PVT1: variants seen among roughly 807,000 people sequenced by gnomAD.
PVT1 encodes the protein Pvt1 oncogene.
chr8:127,999,125 A>G (rs1469107453), intron 4 of PVT1: 2 of 152,098 alleles, frequency 1.3e-5, no homozygotes, highest in African/African-American at 4.8e-5. Flanking sequence ...TTTTTAACAC[A>G]TATGAATACT....
At chr8:128,041,610 G>GGTGTGT (rs58542209) in intron 4 of PVT1, among the ~76,000 whole-genome samples, 1,100 of 88,900 alleles carry the variant, frequency 0.012, 10 homozygotes, top group African/African-American at 0.034. Flanking sequence ...ACATGTGTTT[G>GGTGTGT]GTGTGTGTGT....
chr8:127,903,764 A>G (rs554736602), intron 3 of PVT1, among the ~76,000 whole-genome samples: 1 of 152,260 alleles, frequency 6.6e-6, no homozygotes, highest in South Asian at 2.1e-4. Flanking sequence ...TGGATTCTCT[A>G]TTCTGTTCCG....
In PVT1 at chr8:128,044,775, A is replaced by G. The variant is rs919442235; in HGVS notation, n.913-25385A>G. 3.9e-5 allele frequency among the ~76,000 whole-genome samples: 6 copies of G among 152,276 alleles called. No homozygotes were observed. In the East Asian group the frequency reaches 1.2e-3, roughly 29 times the overall value. ...CATCAATGAGTGGTGGCTATTTACT[A>G]TTATACTTGTTATTTTATTATACTT... On this transcript the variant is annotated intron_variant and non_coding_transcript_variant, in intron 4 of 10. Coordinates refer to ENST00000651587, the Ensembl canonical transcript of PVT1.
chr8:127,936,112 C>T (rs1211257673), intron 3 of PVT1, among the ~76,000 whole-genome samples: 5 of 144,460 alleles, frequency 3.5e-5, no homozygotes, highest in Admixed American at 7.3e-5. Context: ...AGTGCAATGG[C>T]GCGATCTTGG....
intron 2 of PVT1, chr8:127,803,373 C>T (rs1245085746): frequency 6.6e-6 from 1 of 152,212 alleles, no homozygotes; most frequent in Non-Finnish European, 1.5e-5. Flanking sequence ...TCGTGATCCG[C>T]CCGCCTTGGC....
At chr8:128,046,334 C>T (rs930526358) in intron 4 of PVT1, among the ~76,000 whole-genome samples, 5 of 152,232 alleles carry the variant, frequency 3.3e-5, no homozygotes, top group South Asian at 2.1e-4. Context: ...CTGATATCCC[C>T]GTTTTCCAAA....
At chr8:127,841,540 C>T (rs1041085155) in intron 2 of PVT1, among the ~76,000 whole-genome samples, 2 of 152,020 alleles carry the variant, frequency 1.3e-5, no homozygotes, top group African/African-American at 2.4e-5. Flanking sequence ...AGATTATAGG[C>T]GTGAGCCACC....
rs577302517 is a variant in PVT1 at position 127,922,143 on chromosome 8, G to A, written n.782+31145G>A. 6.2e-4 allele frequency among the ~76,000 whole-genome samples: 95 copies of A among 152,102 alleles called. 1 individual carries two copies. The highest frequency in any genetic ancestry group is 2.2e-3 in the African/African-American group (90 of 41,488). ...CAAAATGCAGGGATTACAGGTGTGAGCCACTGCACCTGGCCAGTTCAGGTT... is the reference window on the plus strand; with the variant it reads ...CAAAATGCAGGGATTACAGGTGTGAACCACTGCACCTGGCCAGTTCAGGTT... On this transcript the variant is annotated intron_variant and non_coding_transcript_variant, in intron 3 of 10. Transcript: ENST00000651587.
intron 3 of PVT1, among the ~76,000 whole-genome samples, chr8:127,980,595 A>T (rs561242018): frequency 1.3e-5 from 2 of 152,234 alleles, no homozygotes; most frequent in Non-Finnish European, 2.9e-5. Flanking sequence ...CCTGTCCACC[A>T]TAGGAAATTC....
At chr8:128,099,926 A>T (rs1025063928) in intron 6 of PVT1, 5 of 151,960 alleles carry the variant, frequency 3.3e-5, no homozygotes, top group African/African-American at 1.2e-4. Flanking sequence ...TAGCATCTTC[A>T]GTTACGTTAT....
At chr8:127,897,533 AGAAAGAAAGAG>A (rs1377674165) in intron 3 of PVT1, among the ~76,000 whole-genome samples, 3 of 149,492 alleles carry the variant, frequency 2.0e-5, no homozygotes, top group Non-Finnish European at 4.4e-5. Flanking sequence ...GAAAGAGGAA[AGAAAGAAAGAG>A]GAAAGAAAGA....
At chr8:128,064,082 C>T (rs1166504581) in intron 4 of PVT1, among the ~76,000 whole-genome samples, 3 of 152,216 alleles carry the variant, frequency 2.0e-5, no homozygotes, top group African/African-American at 4.8e-5. Flanking sequence ...AGCTAGAACT[C>T]ATTGCCGCAA....
intron 2 of PVT1, among the ~76,000 whole-genome samples, chr8:127,815,468 A>G (rs887379466): frequency 2.0e-5 from 3 of 152,210 alleles, no homozygotes; most frequent in African/African-American, 7.2e-5. Flanking sequence ...TCTTGACCAC[A>G]TGGCTTTGCT....
intron 6 of PVT1, among the ~76,000 whole-genome samples, chr8:128,098,649 T>C (rs1376420231): frequency 6.6e-6 from 1 of 152,232 alleles, no homozygotes; most frequent in Non-Finnish European, 1.5e-5. Flanking sequence ...GCAGCGTGTC[T>C]TATATTAGAG....
intron 3 of PVT1, among the ~76,000 whole-genome samples, chr8:127,975,909 C>A (rs1816818273): frequency 6.6e-6 from 1 of 152,166 alleles, no homozygotes; most frequent in Non-Finnish European, 1.5e-5. Context: ...CTCACCACAT[C>A]CTGTGGAGCT....
At chr8:128,025,322 T>C (rs903955466) in intron 4 of PVT1, among the ~76,000 whole-genome samples, 4 of 152,188 alleles carry the variant, frequency 2.6e-5, no homozygotes, top group African/African-American at 9.7e-5. Flanking sequence ...TCTTGCCCTC[T>C]TTGTACCCCT....
chr8:127,836,267 G>T (rs1459446426), intron 2 of PVT1, among the ~76,000 whole-genome samples: 1 of 151,912 alleles, frequency 6.6e-6, no homozygotes, highest in Non-Finnish European at 1.5e-5. Flanking sequence ...ACACTCAGTG[G>T]GTGGTTCATA....
chr8:127,953,272 C>G (rs143978407), intron 3 of PVT1, among the ~76,000 whole-genome samples: 103 of 152,272 alleles, frequency 6.8e-4, no homozygotes, highest in African/African-American at 2.3e-3. Flanking sequence ...GGAGATCACC[C>G]TACTGCAACC....
chr8:127,991,801 A>G (rs370445516), intron 4 of PVT1, among the ~76,000 whole-genome samples: 1 of 152,154 alleles, frequency 6.6e-6, no homozygotes, highest in African/African-American at 2.4e-5. Flanking sequence ...ATTTGCATCT[A>G]TGTGTGCAGT....
Sources: allele counts gnomAD v4.1 joint callset (sites outside exome capture counted in the v4.1 genomes callset), GRCh38; gene constraint gnomAD v4.1.1; transcripts MANE v1.5; gene names NCBI Gene and HGNC (gene_info 2026-07-23, HGNC 2026-07-21).